DHRSX: variants seen among roughly 807,000 people sequenced by gnomAD.
DHRSX encodes the protein dehydrogenase/reductase X-linked, also known as polyprenol dehydrogenase.
DHRSX carries 31 observed loss-of-function variants against 34.0 expected under a neutral mutation model. The ratio of observed to expected loss-of-function variants is 0.91; its 90% CI spans 0.69 to 1.23. The LOEUF is 1.23. DHRSX is among the 50% of genes most tolerant of loss of function. DHRSX has a pLI of 0.00. For missense variants in DHRSX, 414 were observed against 428.1 expected (o/e 0.97, Z 0.29); for synonymous variants, 201 against 183.8 (o/e 1.09, Z -0.76).
chrX:2,235,306 A>G (rs2015986445), intron 6 of DHRSX, among the ~76,000 whole-genome samples: 2 of 150,610 alleles, frequency 1.3e-5, no homozygotes, highest in South Asian at 4.1e-4. Flanking sequence ...GAGGTGGAGG[A>G]TGAAAAAAAT....
At chrX:2,343,975 T>C (rs1485353345) in intron 3 of DHRSX, among the ~76,000 whole-genome samples, 1 of 152,126 alleles carries the variant, frequency 6.6e-6, no homozygotes, top group East Asian at 1.9e-4. Context: ...ATTTCAGTAC[T>C]AAATGGGAAG....
At chrX:2,382,868 T>TATC (rs1281101767) in intron 3 of DHRSX, among the ~76,000 whole-genome samples, 4 of 85,670 alleles carry the variant, frequency 4.7e-5, no homozygotes, top group South Asian at 4.0e-4. Flanking sequence ...TCATCATCAC[T>TATC]ATCATCATCA....
At chrX:2,276,383 T>C (rs921879498) in intron 4 of DHRSX, among the ~76,000 whole-genome samples, 1 of 152,168 alleles carries the variant, frequency 6.6e-6, no homozygotes, top group African/African-American at 2.4e-5. Flanking sequence ...AGGTGGAGAA[T>C]ACACAATAGA....
At chrX:2,483,789 CAAAAAAA>C (rs111577835) in intron 1 of DHRSX, among the ~76,000 whole-genome samples, 10 of 110,396 alleles carry the variant, frequency 9.1e-5, no homozygotes, top group Non-Finnish European at 2.0e-4. Context: ...GAAAAAGTGG[CAAAAAAA>C]AAAAAAAAAA....
At chrX:2,480,724 T>C (rs1446090614) in intron 1 of DHRSX, among the ~76,000 whole-genome samples, 4 of 152,002 alleles carry the variant, frequency 2.6e-5, no homozygotes, top group African/African-American at 9.7e-5. Flanking sequence ...GAGGCTGTGG[T>C]GGGAGGGTCA....
At chrX:2,395,279 C>T (rs1310842257) in intron 3 of DHRSX, among the ~76,000 whole-genome samples, 3 of 152,072 alleles carry the variant, frequency 2.0e-5, no homozygotes, top group East Asian at 1.9e-4. Context: ...CCTCCCTGCC[C>T]GTGTGAAGCA....
intron 3 of DHRSX, among the ~76,000 whole-genome samples, chrX:2,331,508 C>A (rs1428282893): frequency 7.5e-6 from 1 of 133,152 alleles, no homozygotes; most frequent in South Asian, 2.5e-4. Flanking sequence ...AGTGCCATAG[C>A]GCGATCTTGG....
chrX:2,304,170 CTGATGGATGGATGGATGGAT>C (rs2042065599), intron 3 of DHRSX, among the ~76,000 whole-genome samples: 1 of 34,196 alleles, frequency 2.9e-5, no homozygotes, highest in Non-Finnish European at 6.0e-5. Context: ...GATGGATGAA[CTGATGGATGGATGGATGGAT>C]GGATGGATGG....
chrX:2,400,298 C>T (rs1377168288), intron 3 of DHRSX, among the ~76,000 whole-genome samples: 4 of 152,138 alleles, frequency 2.6e-5, no homozygotes, highest in African/African-American at 9.7e-5. Flanking sequence ...ACACTCACAT[C>T]ATCCTTTTTC....
chrX:2,293,709 A>G (rs2041894685), intron 3 of DHRSX, among the ~76,000 whole-genome samples: 1 of 152,144 alleles, frequency 6.6e-6, no homozygotes, highest in Non-Finnish European at 1.5e-5. Context: ...AGTGTCATTT[A>G]CAGCCTCCTC....
At chrX:2,412,144 C>T (rs931395034) in intron 2 of DHRSX, among the ~76,000 whole-genome samples, 4 of 152,218 alleles carry the variant, frequency 2.6e-5, no homozygotes, top group African/African-American at 9.6e-5. Context: ...TGCAGAAACA[C>T]CGCACACGTC....
intron 3 of DHRSX, among the ~76,000 whole-genome samples, chrX:2,325,190 G>C (rs1056266763): frequency 6.6e-6 from 1 of 152,114 alleles, no homozygotes; most frequent in East Asian, 1.9e-4. Context: ...AATGTCGGGA[G>C]GACCTAGGGA....
chrX:2,483,973 C>T (rs1000518023), intron 1 of DHRSX, among the ~76,000 whole-genome samples: 4 of 152,036 alleles, frequency 2.6e-5, no homozygotes, highest in Admixed American at 2.6e-4. Flanking sequence ...AAATTTAGTG[C>T]CCACGAAGTG....
At chrX:2,307,397 G>A (rs1199653040) in intron 3 of DHRSX, among the ~76,000 whole-genome samples, 3 of 151,980 alleles carry the variant, frequency 2.0e-5, no homozygotes, top group Non-Finnish European at 4.4e-5. Context: ...CAACTGAAGC[G>A]TGAACCGCAG....
In DHRSX at chrX:2,221,247, G is replaced by A; in HGVS notation, c.805-18C>T. The stretch of plus-strand genomic sequence containing the variant: ...TCGGGGGTCTGGTGGAAGAAGAAAA[G>A]AAGGCTACGATGAGTCAAATTTCTG... On this transcript the variant is annotated intron_variant, in intron 6 of 6. Coordinates refer to ENST00000334651, the MANE Select transcript of DHRSX (RefSeq NM_145177.3). 1 of 1,609,920 alleles carries A rather than the reference G, an allele frequency of 6.2e-7. No homozygotes were observed. The highest frequency in any genetic ancestry group is 8.5e-7 in the Non-Finnish European group (1 of 1,177,988).
At chrX:2,252,577 T>A (rs137955048) in intron 5 of DHRSX, among the ~76,000 whole-genome samples, 3,263 of 152,254 alleles carry the variant, frequency 0.021, 86 homozygotes, top group African/African-American at 0.064. Flanking sequence ...AAATGCATCA[T>A]CCAAAGGCAG....
chrX:2,265,599 T>C lies in DHRSX; in HGVS notation c.596+1141A>G, dbSNP rs1223551671. 1.3e-3 allele frequency among the ~76,000 whole-genome samples: 112 copies of C among 83,852 alleles called. 1 individual carries two copies. Among genetic ancestry groups the C allele is most frequent in the African/African-American group, 4.0e-3 (97 of 24,158 alleles). 55.0% of individuals were successfully genotyped at this position (83,852 alleles called of 152,430 possible). On this transcript the variant is annotated intron_variant, in intron 5 of 6. Transcript: ENST00000334651. ...GAGCACTGTCCCCAGAGCACCAGTG[T>C]ACAGCAGACGCAGGGAGCACTGTAC...
At chrX:2,398,715 G>C (rs1171748566) in intron 3 of DHRSX, among the ~76,000 whole-genome samples, 3 of 148,640 alleles carry the variant, frequency 2.0e-5, no homozygotes, top group Non-Finnish European at 4.4e-5. Flanking sequence ...TGTCACCTAG[G>C]CTGAAGTGCA....
chrX:2,449,083 G>A (rs2044180657), intron 1 of DHRSX, among the ~76,000 whole-genome samples: 3 of 152,152 alleles, frequency 2.0e-5, no homozygotes, highest in Admixed American at 1.3e-4. Flanking sequence ...CAGCTACTCA[G>A]GAGGCTGAGA....
Sources: gnomAD v4.1 joint callset for allele counts (sites outside exome capture counted in the v4.1 genomes callset) on GRCh38, gnomAD v4.1.1 for gene constraint, MANE v1.5 for transcripts, NCBI Gene and HGNC (gene_info 2026-07-23, HGNC 2026-07-21) for gene names.